Variants in UNC5C observed in about 807,000 individuals in gnomAD.
UNC5C encodes unc-5 netrin receptor C, also known as netrin receptor UNC5C.
In UNC5C, 47 loss-of-function variants were observed where a neutral mutation model predicts 99.8. The observed-to-expected ratio is 0.47, with a 90% CI of 0.37 to 0.60. The LOEUF (loss-of-function observed/expected upper bound fraction) is 0.60, where lower values mean the gene tolerates loss of function less well. Ranked by LOEUF, UNC5C falls within the 20% of genes least tolerant of loss-of-function variation. The pLI, the probability that UNC5C is intolerant of heterozygous loss-of-function variation, is 0.00. For missense variants in UNC5C, 1,062 were observed against 1,165.9 expected, an observed-to-expected ratio of 0.91 and a Z score of 1.30; for synonymous variants, 487 against 452.2, an observed-to-expected ratio of 1.08 and a Z score of -0.98.
chr4:95,246,475 C>T (rs1739506472), intron 5 of UNC5C, among the ~76,000 whole-genome samples: 2 of 151,894 alleles, frequency 1.3e-5, no homozygotes. Flanking sequence ...GCAGAAGGAT[C>T]CCTTGAGCCC....
rs181971392 is a variant in UNC5C, at chr4:95,513,725, A to C, written c.124+35009T>G. On this transcript the variant is annotated intron_variant, in intron 1 of 15. Coordinates refer to ENST00000453304, the MANE Select transcript of UNC5C (RefSeq NM_003728.4). ...GGCATTAACGCAACAGCTTTAGAGCAGGCTGGCAAAAGCCTTTTGAATATT... is the reference window on the plus strand; with the variant it reads ...GGCATTAACGCAACAGCTTTAGAGCCGGCTGGCAAAAGCCTTTTGAATATT... Among the ~76,000 whole-genome samples the C allele has an allele frequency of 6.6e-5, 10 of 152,314 alleles. No homozygotes were observed. In the East Asian group the frequency reaches 1.3e-3, roughly 21 times the overall value.
intron 1 of UNC5C, among the ~76,000 whole-genome samples, chr4:95,402,039 A>C (rs1002784375): frequency 6.6e-6 from 1 of 152,212 alleles, no homozygotes; most frequent in East Asian, 1.9e-4. Context: ...GCAATTTCAC[A>C]TATCAATTAT....
intron 12 of UNC5C, among the ~76,000 whole-genome samples, chr4:95,185,711 T>C (rs1315659055): frequency 1.3e-5 from 2 of 152,312 alleles, no homozygotes; most frequent in East Asian, 3.9e-4. Flanking sequence ...TTCAATCTCT[T>C]ATAGTTACTT....
intron 1 of UNC5C, among the ~76,000 whole-genome samples, chr4:95,357,647 C>A (rs1366369342): frequency 2.0e-5 from 3 of 151,824 alleles, no homozygotes; most frequent in Non-Finnish European, 4.4e-5. Context: ...GAAGAAATAG[C>A]CAGGTTTGGT....
intron 1 of UNC5C, among the ~76,000 whole-genome samples, chr4:95,443,575 A>C (rs1305426009): frequency 6.6e-6 from 1 of 152,182 alleles, no homozygotes; most frequent in Admixed American, 6.5e-5. Context: ...GAATGTAATA[A>C]ATAATTCTTT....
At chr4:95,489,603 G>A (rs1710012595) in intron 1 of UNC5C, among the ~76,000 whole-genome samples, 2 of 151,690 alleles carry the variant, frequency 1.3e-5, no homozygotes, top group African/African-American at 4.8e-5. Context: ...CCATATTATA[G>A]ATGTGAGAGT....
At chr4:95,179,354 A>T (rs995911284) in intron 14 of UNC5C, among the ~76,000 whole-genome samples, 9 of 152,264 alleles carry the variant, frequency 5.9e-5, no homozygotes, top group South Asian at 4.1e-4. Context: ...ATTTGTGTAT[A>T]CAGAAGTGCT....
At chr4:95,229,913 C>T (rs985551396) in intron 7 of UNC5C, among the ~76,000 whole-genome samples, 12 of 144,978 alleles carry the variant, frequency 8.3e-5, no homozygotes, top group African/African-American at 2.9e-4. Context: ...TGGGTTCAAG[C>T]GATTCTCCTG....
chr4:95,261,905 G>A (rs774481600), intron 4 of UNC5C, among the ~76,000 whole-genome samples: 15 of 152,180 alleles, frequency 9.9e-5, no homozygotes, highest in South Asian at 2.1e-4. Context: ...GGGTTTCACC[G>A]TGTTAGCCAG....
chr4:95,482,933 A>G lies in UNC5C; in HGVS notation c.124+65801T>C, dbSNP rs1400365203. Among the ~76,000 whole-genome samples the G allele has an allele frequency of 5.0e-5, 7 of 139,276 alleles. No individual in the cohort carries two copies. The East Asian group carries it at 1.0e-3, about 20-fold the overall frequency. 91.4% of individuals were successfully genotyped at this position (139,276 alleles called of 152,430 possible). A position where few individuals can be genotyped will look rare whatever the true frequency, so the allele number is the denominator to read the frequency against. On this transcript the variant is annotated intron_variant, in intron 1 of 15. Transcript: ENST00000453304. ...TAAATGACGAGTTAATGGGTGCAGC[A>G]CACCAGCATGGCACATGTATACATA...
intron 1 of UNC5C, among the ~76,000 whole-genome samples, chr4:95,386,726 G>A (rs1745220970): frequency 6.6e-6 from 1 of 152,136 alleles, no homozygotes; most frequent in Admixed American, 6.5e-5. Context: ...GAGACACCAT[G>A]GCCATATGTT....
intron 12 of UNC5C, among the ~76,000 whole-genome samples, chr4:95,188,510 C>G (rs954786194): frequency 3.3e-5 from 5 of 152,108 alleles, no homozygotes; most frequent in African/African-American, 4.8e-5. Flanking sequence ...CAAGCCTGCC[C>G]GAAAGGCTAA....
intron 1 of UNC5C, among the ~76,000 whole-genome samples, chr4:95,536,852 T>C (rs77305724): frequency 0.018 from 2,682 of 152,340 alleles, 37 homozygotes; most frequent in Non-Finnish European, 0.028. Context: ...AATATGTTAG[T>C]AAATGGGATT....
At chr4:95,182,839 C>G (rs1041550403) in intron 14 of UNC5C, 58 bp downstream of exon 14, 2 of 1,553,980 alleles carry the variant, frequency 1.3e-6, no homozygotes, top group Non-Finnish European at 1.8e-6. Flanking sequence ...AGCCCACACA[C>G]TCTGTCTTCC....
At chr4:95,482,398 T>G (rs986861342) in intron 1 of UNC5C, among the ~76,000 whole-genome samples, 4 of 151,650 alleles carry the variant, frequency 2.6e-5, no homozygotes, top group African/African-American at 7.3e-5. Flanking sequence ...GGAACACTTT[T>G]ATACTGTTGG....
At chr4:95,354,479 A>ATATATATTTTTTTTTTTTTT in intron 1 of UNC5C, among the ~76,000 whole-genome samples, 1 of 110,352 alleles carries the variant, frequency 9.1e-6, no homozygotes, top group Non-Finnish European at 1.8e-5. Context: ...ATATATATAT[A>ATATATATTTTTTTTTTTTTT]TTTTTTTTTT....
intron 7 of UNC5C, among the ~76,000 whole-genome samples, chr4:95,239,578 C>G (rs530785686): frequency 5.3e-4 from 81 of 152,292 alleles, no homozygotes; most frequent in African/African-American, 1.9e-3. Flanking sequence ...TCCACTCACA[C>G]CGTTACCTCT....
At chr4:95,543,457 G>A (rs565637255) in intron 1 of UNC5C, among the ~76,000 whole-genome samples, 3 of 152,220 alleles carry the variant, frequency 2.0e-5, no homozygotes, top group Non-Finnish European at 4.4e-5. Context: ...TTAGGATAAC[G>A]AAACTTCCTA....
chr4:95,202,728 T>C lies in UNC5C; in HGVS notation c.2136+3A>G. The C allele has an allele frequency of 3.1e-6, 5 of 1,613,704 alleles. No homozygotes were observed. The highest frequency in any genetic ancestry group is 4.2e-6 in the Non-Finnish European group (5 of 1,179,762). The stretch of plus-strand genomic sequence containing the variant: ...GAGGGCAGGCTAGGTGGGAGGCACT[T>C]ACCTTCAGGGCATCCTGGGTGTCAT... On this transcript the variant is annotated splice_donor_region_variant and intron_variant, in intron 12 of 15. Transcript: ENST00000453304.
Sources: allele counts gnomAD v4.1 joint callset (sites outside exome capture counted in the v4.1 genomes callset), GRCh38; gene constraint gnomAD v4.1.1; transcripts MANE v1.5; gene names NCBI Gene and HGNC (gene_info 2026-07-23, HGNC 2026-07-21).